Variants in MYBBP1A observed in about 807,000 individuals in gnomAD.
MYBBP1A encodes the protein MYB binding protein 1a, also known as myb-binding protein 1A.
In MYBBP1A, 147 loss-of-function variants were observed where a neutral mutation model predicts 136.3. The observed-to-expected ratio is 1.08, with a 90% CI of 0.94 to 1.24. The LOEUF (loss-of-function observed/expected upper bound fraction) is 1.24, where lower values mean the gene tolerates loss of function less well. Among genes scored for constraint, MYBBP1A ranks in the 50% most tolerant of loss-of-function variants. The pLI is 0.00. For synonymous variants in MYBBP1A, 947 were observed against 735.8 expected (o/e 1.29, Z -4.65); for missense variants, 2,060 against 1,727.4 (o/e 1.19, Z -3.41).
At chr17:4,555,006 G>GA in intron 1 of MYBBP1A, 50 bp from the exon 2 acceptor site, 3 of 1,603,708 alleles carry the variant, frequency 1.9e-6, no homozygotes, top group Non-Finnish European at 2.6e-6. Context: ...CAAGGTGCAC[G>GA]CCCCCGCGCA....
intron 13 of MYBBP1A, 88 bp from the exon 14 acceptor site, chr17:4,546,030 G>A (rs1452639045): frequency 2.4e-6 from 3 of 1,262,720 alleles, no homozygotes; most frequent in Non-Finnish European, 3.4e-6. Context: ...TGGCAGCAGT[G>A]GCATCAAGAA....
In MYBBP1A at chr17:4,544,674, A is replaced by ACGGGGGTGGGCACACAGGGAGG. The variant is rs1555540692; in HGVS notation, c.2482-29_2482-28insCCTCCCTGTGTGCCCACCCCCG. ...GCAGCCAGGAGGGCAGGTCAGCAAC[A>ACGGGGGTGGGCACACAGGGAGG]CGGGGGTGGGCGCACAGGGAGGCGG... On this transcript the variant is annotated intron_variant, in intron 18 of 25. Transcript: ENST00000254718. 2.4e-4 allele frequency: 312 copies of ACGGGGGTGGGCACACAGGGAGG among 1,294,192 alleles called. 1 individual carries two copies. In the African/African-American group the frequency reaches 4.3e-3, roughly 18 times the overall value. 80.2% of individuals were successfully genotyped at this position (1,294,192 alleles called of 1,614,324 possible). A position where few individuals can be genotyped will look rare whatever the true frequency, so the allele number is the denominator to read the frequency against.
At chr17:4,540,007 GGCA>G in intron 25 of MYBBP1A, 40 bp from the exon 26 acceptor site, 1 of 1,577,452 alleles carries the variant, frequency 6.3e-7, no homozygotes, top group Non-Finnish European at 8.6e-7. Context: ...GCCCATCGAG[GGCA>G]GCAGCCACCG....
chr17:4,544,755 A>T lies in MYBBP1A; in HGVS notation c.2477T>A (p.Ile826Asn), dbSNP rs1226867378. The T allele has an allele frequency of 1.9e-6, 3 of 1,558,024 alleles. No homozygotes were observed. In the Admixed American group the frequency reaches 5.4e-5, roughly 28 times the overall value. Reference sequence around the variant, plus strand: ...GCGGCCCGCCCCCAGGCTCACCCGGATCTGGAAGTCGCGCCGCAGAGCCTT... The same window carrying T: ...GCGGCCCGCCCCCAGGCTCACCCGGTTCTGGAAGTCGCGCCGCAGAGCCTT... ...KEKALRRDFQ[I>N]RVLDLVEVLV... The change falls in exon 18 of 26, where the codon ATC becomes AAC. Residue 826 changes from isoleucine to asparagine, a missense_variant. By Grantham distance (149) the Ile-to-Asn change is moderately radical. Transcript: ENST00000254718.
Position 4,548,209 on chromosome 17 carries a change from A to G in MYBBP1A, c.1658T>C (p.Leu553Ser), listed in dbSNP as rs781693913. The G allele has an allele frequency of 1.9e-6, 3 of 1,609,140 alleles. No individual in the cohort carries two copies. In the Admixed American group the frequency reaches 5.0e-5, roughly 27 times the overall value. The change falls in exon 12 of 26, where the codon TTG (leucine) becomes TCG (serine). Residue 553 changes from leucine (L) to serine (S), a missense_variant. Physicochemically the swap from Leu to Ser is moderately radical, Grantham distance 145. Transcript: ENST00000254718. The surrounding 1 kb of genome is among the most constrained non-coding windows in gnomAD (Gnocchi z 4.2). ...YHLVQFADLL[L>S]NHSHNVTTVT... ...GGTGGTCACGTTGTGGCTGTGATTC[A>G]ACAGGAGGTCTGCGAACTGCACCAG... is the stretch of plus-strand genomic sequence containing the variant.
At chr17:4,540,221 T>G in intron 25 of MYBBP1A, 127 bp downstream of exon 25, 2 of 1,318,960 alleles carry the variant, frequency 1.5e-6, no homozygotes, top group Non-Finnish European at 1.0e-6. Context: ...TGAGTGCATG[T>G]GTGTGCAGCA....
chr17:4,539,293 C>T lies in MYBBP1A; in HGVS notation c.*122G>A, dbSNP rs1307285741. ...TGCCCGGGCAGGCGGCAACAGCCAC[C>T]CTCCCCAGTGGCAGCGCCTTAGAAA... On this transcript the variant is annotated 3_prime_UTR_variant, in exon 26 of 26. Transcript: ENST00000254718. 1.3e-6 allele frequency: 2 copies of T among 1,494,424 alleles called. No individual in the cohort carries two copies. Among genetic ancestry groups the T allele is most frequent in the African/African-American group, 2.8e-5 (2 of 71,320 alleles). 92.6% of individuals were successfully genotyped at this position (1,494,424 alleles called of 1,614,324 possible). A position where few individuals can be genotyped will look rare whatever the true frequency, so the allele number is the denominator to read the frequency against.
intron 4 of MYBBP1A, 27 bp downstream of exon 4, chr17:4,553,992 T>C: frequency 1.2e-6 from 2 of 1,613,854 alleles, no homozygotes; most frequent in Non-Finnish European, 1.7e-6. Context: ...CCAGCCTACA[T>C]TCCCCCAGTC....
chr17:4,555,283 T>C lies in MYBBP1A; in HGVS notation c.42A>G (p.Glu14=). The C allele has an allele frequency of 6.2e-7, 1 of 1,610,482 alleles. No individual in the cohort carries two copies. Among genetic ancestry groups the C allele is most frequent in the Non-Finnish European group, 8.5e-7 (1 of 1,179,080 alleles). The change falls in exon 1 of 26, where the codon GAA becomes GAG. Residue 14 remains glutamate (E), a synonymous_variant. Coordinates refer to ENST00000254718, the MANE Select transcript of MYBBP1A (RefSeq NM_014520.4). ...RDPAQPMSPG[E]ATQSGARPAD... is the part of the protein sequence containing the mutation. ...CAGGCCGGGCGCCACTCTGCGTCGCTTCTCCAGGCGACATCGGCTGGGCGG... is the reference window on the plus strand; with the variant it reads ...CAGGCCGGGCGCCACTCTGCGTCGCCTCTCCAGGCGACATCGGCTGGGCGG...
In MYBBP1A at chr17:4,551,887, G is replaced by A. The variant is rs1907541616; in HGVS notation, c.1016C>T (p.Thr339Ile). 2 of 1,613,044 alleles carry A rather than the reference G, an allele frequency of 1.2e-6. No individual in the cohort carries two copies. The highest frequency in any genetic ancestry group is 1.3e-5 in the African/African-American group (1 of 74,922). Residue 339 changes from threonine to isoleucine, a missense_variant, in exon 8 of 26, where the codon ACT (threonine) becomes ATT (isoleucine). Thr to Ile is a moderately conservative substitution (Grantham distance 89). Transcript: ENST00000254718. ...TGCACGGGCATTACCCACCTTAGCA[G>A]TGCACACGTGCTCCCCGTAATGGCG... ...VIRHYGEHVC[T>I]AKLPKQFKFA...
intron 19 of MYBBP1A, chr17:4,543,436 G>T (rs1042013591): frequency 1.9e-6 from 1 of 519,996 alleles, no homozygotes; most frequent in Admixed American, 3.3e-5. Context: ...CCTGCCTGGG[G>T]CACCCCTCCT....
rs1907229073 is a variant in MYBBP1A at position 4,548,702 on chromosome 17, G to A, written c.1431-53C>T. 3 of 1,610,008 alleles carry A rather than the reference G, an allele frequency of 1.9e-6. No individual in the cohort carries two copies. Among genetic ancestry groups the A allele is most frequent in the African/African-American group, 2.7e-5 (2 of 74,814 alleles). On this transcript the variant is annotated intron_variant, in intron 10 of 25. Coordinates refer to ENST00000254718, the MANE Select transcript of MYBBP1A (RefSeq NM_014520.4). The surrounding 1 kb of genome is among the most constrained non-coding windows in gnomAD (Gnocchi z 4.2). ...CCATTCACTGCCATTGGTTTTTACA[G>A]GCTCCCCTCCTTGGATGGTACCACC...
In MYBBP1A at chr17:4,539,965, C is replaced by A. The variant is rs373407355; in HGVS notation, c.3437G>T (p.Arg1146Leu). 4 of 1,597,726 alleles carry A rather than the reference C, an allele frequency of 2.5e-6. No homozygotes were observed. The South Asian group carries it at 4.4e-5, about 18-fold the overall frequency. ...WQAMKTLGVQ[R>L]PKLEKKDAKE... ...GGCATCCTTCTTCTCCAACTTGGGG[C>A]GCCTGAAGGGAAGTGAGCAAGGTTA... Residue 1146 changes from arginine to leucine, a missense_variant and splice_region_variant, in exon 26 of 26, where the codon CGC (arginine) becomes CTC (leucine). Arg to Leu is a moderately radical substitution (Grantham distance 102). Transcript: ENST00000254718.
At chr17:4,545,458 A>G in intron 15 of MYBBP1A, 113 bp from the exon 16 acceptor site, 1 of 1,516,528 alleles carries the variant, frequency 6.6e-7, no homozygotes, top group East Asian at 2.4e-5. Context: ...AGCCTAGGAG[A>G]GGCGGCCAGG....
intron 22 of MYBBP1A, chr17:4,542,243 G>C: frequency 1.7e-6 from 1 of 600,944 alleles, no homozygotes; most frequent in Non-Finnish European, 2.9e-6. Context: ...GAGTGAGGCT[G>C]GCCCTGCCCC....
intron 21 of MYBBP1A, 32 bp from the exon 22 acceptor site, chr17:4,542,564 A>C: frequency 6.2e-7 from 1 of 1,612,868 alleles, no homozygotes; most frequent in Non-Finnish European, 8.5e-7. Context: ...TGTGAGGTGC[A>C]GGCTGGGCTG....
Position 4,551,901 on chromosome 17 carries a change from C to T in MYBBP1A, c.1002G>A (p.Gly334=), listed in dbSNP as rs891998305. Residue 334 remains glycine, a synonymous_variant, in exon 8 of 26, where the codon GGG becomes GGA. Transcript: ENST00000254718. ...VMQGDVIRHY[G]EHVCTAKLPK... Reference sequence around the variant, plus strand: ...CCACCTTAGCAGTGCACACGTGCTCCCCGTAATGGCGGATCACGTCTCCCT... The same window carrying T: ...CCACCTTAGCAGTGCACACGTGCTCTCCGTAATGGCGGATCACGTCTCCCT... 1 of 1,613,372 alleles carries T rather than the reference C, an allele frequency of 6.2e-7. No homozygotes were observed. The highest frequency in any genetic ancestry group is 8.5e-7 in the Non-Finnish European group (1 of 1,179,880).
Position 4,539,486 on chromosome 17 carries a change from T to G in MYBBP1A, c.3916A>C (p.Ile1306Leu), listed in dbSNP as rs757334739. ...ARKKARLSLV[I>L]RSPSLLQSGA... Reference sequence around the variant, plus strand: ...CTCTGAAGCAGGCTGGGACTCCTGATGACCAAAGACAGCCTTGCCTTTTTC... The same window carrying G: ...CTCTGAAGCAGGCTGGGACTCCTGAGGACCAAAGACAGCCTTGCCTTTTTC... The change falls in exon 26 of 26, where the codon ATC becomes CTC. Residue 1306 changes from isoleucine (I) to leucine (L), a missense_variant. By Grantham distance (5) the Ile-to-Leu change is conservative (BLOSUM62 2). Transcript: ENST00000254718. 1.7e-5 allele frequency: 27 copies of G among 1,614,058 alleles called. No homozygotes were observed. Among genetic ancestry groups the G allele is most frequent in the Non-Finnish European group, 2.3e-5 (27 of 1,180,028 alleles).
Position 4,548,558 on chromosome 17 carries a change from G to A in MYBBP1A, c.1522C>T (p.Gln508Ter). 3 of 1,614,232 alleles carry A rather than the reference G, an allele frequency of 1.9e-6. No individual in the cohort carries two copies. Among genetic ancestry groups the A allele is most frequent in the Non-Finnish European group, 2.5e-6 (3 of 1,180,046 alleles). ...GCACTGCTGACAGCCTCTCGGGCCT[G>A]GTTTTCCAAAGGGAAGGAGAACGGG... ...KHPFSFPLENQAREAVSSAFF... is the reference protein window; with the variant it reads ...KHPFSFPLEN Residue 508 changes from glutamine to a stop codon, truncating the protein, a stop_gained, in exon 11 of 26, where the codon CAG (glutamine) becomes TAG (stop). Transcript: ENST00000254718. LOFTEE classifies it high-confidence loss of function. This position sits in a 1 kb window ranked among gnomAD's most constrained non-coding sequence, Gnocchi z 4.2.
Sources: allele counts gnomAD v4.1 joint callset, GRCh38; gene constraint gnomAD v4.1.1; non-coding constraint Gnocchi (gnomAD v3.1); transcripts MANE v1.5; gene names NCBI Gene and HGNC (gene_info 2026-07-23, HGNC 2026-07-21).